Variants in TMX1 observed in about 807,000 individuals in gnomAD.
The protein encoded by TMX1 is thioredoxin related transmembrane protein 1.
TMX1 carries 25 observed loss-of-function variants against 36.6 expected under a neutral mutation model. The ratio of observed to expected loss-of-function variants is 0.68; its 90% CI spans 0.50 to 0.95. The LOEUF is 0.95. Ranked by LOEUF, TMX1 falls within the 40% of genes least tolerant of loss-of-function variation. TMX1 has a pLI of 0.00. For synonymous variants in TMX1, 133 were observed against 118.0 expected, an observed-to-expected ratio of 1.13 and a Z score of -0.82; for missense variants, 347 against 339.6, an observed-to-expected ratio of 1.02 and a Z score of -0.17.
In TMX1 at chr14:51,248,308, C is replaced by T. The variant is rs78210130; in HGVS notation, c.444-1018C>T. ...GTGGCCATCTGTCTCTTCCTGTCCT[C>T]TCACCACACTTACCTTTGGAGGATA... On this transcript the variant is annotated intron_variant, in intron 4 of 7. Coordinates refer to ENST00000457354, the MANE Select transcript of TMX1 (RefSeq NM_030755.5). 0.014 allele frequency among the ~76,000 whole-genome samples: 2,137 copies of T among 152,290 alleles called. 76 individuals are homozygous for T. In the East Asian group the frequency reaches 0.14, roughly 10 times the overall value.
intron 4 of TMX1, among the ~76,000 whole-genome samples, chr14:51,248,346 A>G (rs1596406325): frequency 6.6e-6 from 1 of 152,358 alleles, no homozygotes; most frequent in East Asian, 1.9e-4. Context: ...GAGTTGGGAC[A>G]GTAATCACAT....
intron 4 of TMX1, 132 bp downstream of exon 4, chr14:51,247,352 A>ATT (rs35852707): frequency 0.02 from 5,900 of 299,598 alleles, 13 homozygotes; most frequent in Middle Eastern, 0.042. Flanking sequence ...TACATGTTTG[A>ATT]TTTTTTTTTT....
At chr14:51,250,595 T>C (rs1356713652) in intron 7 of TMX1, among the ~76,000 whole-genome samples, 1 of 152,148 alleles carries the variant, frequency 6.6e-6, no homozygotes, top group Non-Finnish European at 1.5e-5. Context: ...GGGTTCATGC[T>C]ATTCTCCTGC....
chr14:51,249,311 CTCTTT>C lies in TMX1; in HGVS notation c.444-13_444-9del. Reference sequence around the variant, plus strand: ...GTATGTTACTCAGTTTTTTAATCATCTCTTTTATTTTTAGGATGAGTAGTATGTCA... The same window carrying C: ...GTATGTTACTCAGTTTTTTAATCATCTATTTTTAGGATGAGTAGTATGTCA... On this transcript the variant is annotated splice_polypyrimidine_tract_variant and intron_variant, in intron 4 of 7. Transcript: ENST00000457354. The C allele has an allele frequency of 6.3e-7, 1 of 1,593,408 alleles. No individual in the cohort carries two copies. Among genetic ancestry groups the C allele is most frequent in the Non-Finnish European group, 8.5e-7 (1 of 1,172,224 alleles).
intron 7 of TMX1, among the ~76,000 whole-genome samples, chr14:51,253,053 C>A (rs902371283): frequency 1.3e-5 from 2 of 152,090 alleles, no homozygotes; most frequent in Admixed American, 1.3e-4. Flanking sequence ...GAAGGAAATT[C>A]ATTTTTTTTC....
chr14:51,250,705 A>G (rs181464904), intron 7 of TMX1, among the ~76,000 whole-genome samples: 3 of 152,098 alleles, frequency 2.0e-5, no homozygotes, highest in Non-Finnish European at 4.4e-5. Flanking sequence ...GTTAGCCAGG[A>G]TGGTCTCGAT....
chr14:51,246,272 T>C (rs1043096600), intron 3 of TMX1, among the ~76,000 whole-genome samples: 1 of 152,164 alleles, frequency 6.6e-6, no homozygotes, highest in East Asian at 1.9e-4. Context: ...GCCCTTTTTC[T>C]TTTAGTCAAA....
intron 4 of TMX1, 82 bp downstream of exon 4, chr14:51,247,302 C>T: frequency 1.4e-6 from 2 of 1,394,080 alleles, no homozygotes; most frequent in Non-Finnish European, 9.6e-7. Context: ...CATTCATACT[C>T]AGTTTGTTTC....
intron 3 of TMX1, 25 bp downstream of exon 3, chr14:51,245,383 A>G: frequency 6.2e-7 from 1 of 1,612,662 alleles, no homozygotes; most frequent in Non-Finnish European, 8.5e-7. Context: ...ATTCTAAATT[A>G]TGGAGAAGGA....
Position 51,243,971 on chromosome 14 carries a change from G to C in TMX1, c.268G>C (p.Gly90Arg). 6.3e-7 allele frequency: 1 copy of C among 1,598,836 alleles called. No homozygotes were observed. The highest frequency in any genetic ancestry group is 8.5e-7 in the Non-Finnish European group (1 of 1,172,690). The change falls in exon 2 of 8, where the codon GGA (glycine) becomes CGA (arginine). Residue 90 changes from glycine (G) to arginine (R), a missense_variant and splice_region_variant. Transcript: ENST00000457354. ...IAKVDVTEQPGLSGRFIITAL... is the reference protein window; with the variant it reads ...IAKVDVTEQPRLSGRFIITAL... ...GAAAGTAGATGTCACAGAGCAGCCA[G>C]GTACTGTAAGTCTTTGGTTAGTTTT...
At chr14:51,247,697 A>G (rs561990308) in intron 4 of TMX1, among the ~76,000 whole-genome samples, 37 of 152,236 alleles carry the variant, frequency 2.4e-4, no homozygotes, top group African/African-American at 8.7e-4. Flanking sequence ...TAAGTCAAAC[A>G]TATTTTCATG....
chr14:51,255,266 A>AT lies in TMX1; in HGVS notation c.*754dup, dbSNP rs2065833360. The AT allele has an allele frequency of 6.6e-6, 1 of 151,846 alleles. No homozygotes were observed. The highest frequency in any genetic ancestry group is 1.5e-5 in the Non-Finnish European group (1 of 67,872). 9.4% of individuals were successfully genotyped at this position (151,846 alleles called of 1,614,324 possible). A position where few individuals can be genotyped will look rare whatever the true frequency, so the allele number is the denominator to read the frequency against. ...CATTTTTTATGTTTTAGTAAACAGT[A>AT]TTTTTTTGTTGTTTCAAACTGAAGT... On this transcript the variant is annotated 3_prime_UTR_variant, in exon 8 of 8. Coordinates refer to ENST00000457354, the MANE Select transcript of TMX1 (RefSeq NM_030755.5).
At chr14:51,247,564 A>G (rs1448426965) in intron 4 of TMX1, among the ~76,000 whole-genome samples, 3 of 151,962 alleles carry the variant, frequency 2.0e-5, no homozygotes, top group East Asian at 1.9e-4. Flanking sequence ...TCACTGTGTT[A>G]GCCAGGATGG....
chr14:51,251,452 TTTG>T lies in TMX1; in HGVS notation c.664+1690_664+1692del, dbSNP rs556365227. Among the ~76,000 whole-genome samples, 643 of 152,274 alleles carry T rather than the reference TTTG, an allele frequency of 4.2e-3. 1 individual carries two copies. The highest frequency in any genetic ancestry group is 9.0e-3 in the Admixed American group (137 of 15,292). On this transcript the variant is annotated intron_variant, in intron 7 of 7. Coordinates refer to ENST00000457354, the MANE Select transcript of TMX1 (RefSeq NM_030755.5). ...AAGTCAAGGAGCATCTGTATTATGT[TTTG>T]TTTTTTTATATTCTGTCTTCACCCT...
rs2065840402 is a variant in TMX1 at position 51,256,757 on chromosome 14, G to A, written c.*2238G>A. On this transcript the variant is annotated 3_prime_UTR_variant, in exon 8 of 8. Coordinates refer to ENST00000457354, the MANE Select transcript of TMX1 (RefSeq NM_030755.5). Reference sequence around the variant, plus strand: ...CCTACTGGAGCTTTGTTGTTTTCTTGTATTTATTAATTTAGTCCTAATGAC... The same window carrying A: ...CCTACTGGAGCTTTGTTGTTTTCTTATATTTATTAATTTAGTCCTAATGAC... The A allele has an allele frequency of 6.6e-6, 1 of 152,134 alleles. No individual in the cohort carries two copies. The highest frequency in any genetic ancestry group is 2.4e-5 in the African/African-American group (1 of 41,442). 9.4% of individuals were successfully genotyped at this position (152,134 alleles called of 1,614,324 possible). A position where few individuals can be genotyped will look rare whatever the true frequency, so the allele number is the denominator to read the frequency against.
intron 1 of TMX1, 56 bp downstream of exon 1, chr14:51,240,500 C>A: frequency 1.3e-6 from 2 of 1,575,734 alleles, no homozygotes; most frequent in Non-Finnish European, 1.7e-6. Context: ...GACTTCACCC[C>A]GCACGTTCCT....
At chr14:51,247,732 T>A (rs1335881291) in intron 4 of TMX1, among the ~76,000 whole-genome samples, 1 of 152,236 alleles carries the variant, frequency 6.6e-6, no homozygotes, top group Non-Finnish European at 1.5e-5. Context: ...GAAGGCATTT[T>A]ATAGAAGTAA....
chr14:51,251,829 A>AT (rs1429768123), intron 7 of TMX1, among the ~76,000 whole-genome samples: 9 of 152,188 alleles, frequency 5.9e-5, no homozygotes, highest in African/African-American at 2.2e-4. Flanking sequence ...ATTTCTTAAA[A>AT]TTCCCAGGTG....
chr14:51,240,332 C>T lies in TMX1; in HGVS notation c.40C>T (p.Leu14=), dbSNP rs17853627. The change falls in exon 1 of 8, where the codon CTG becomes TTG. Residue 14 remains leucine (L), a synonymous_variant. Transcript: ENST00000457354. ...GAGTCTTGCAGTTCCCCTGGCAGTC[C>T]TGGTGCTGTTGCTTTGGGGTGCTCC... The part of the protein sequence containing the change: ...SGSLAVPLAV[L]VLLLWGAPWT... The T allele has an allele frequency of 6.2e-7, 1 of 1,613,716 alleles. No individual in the cohort carries two copies. Among genetic ancestry groups the T allele is most frequent in the Non-Finnish European group, 8.5e-7 (1 of 1,180,018 alleles).
Sources: allele counts gnomAD v4.1 joint callset (sites outside exome capture counted in the v4.1 genomes callset), GRCh38; gene constraint gnomAD v4.1.1; transcripts MANE v1.5; gene names NCBI Gene and HGNC (gene_info 2026-07-23, HGNC 2026-07-21).